VPS8: variants seen among roughly 807,000 people sequenced by gnomAD.
The protein encoded by VPS8 is vacuolar protein sorting-associated protein 8 homolog.
In VPS8, 129 loss-of-function variants were observed where a neutral mutation model predicts 216.4. The ratio of observed to expected loss-of-function variants is 0.60; its 90% CI spans 0.52 to 0.69. VPS8 has a LOEUF of 0.69. Ranked by LOEUF, VPS8 falls within the 30% of genes least tolerant of loss-of-function variation. The pLI is 0.00. For synonymous variants in VPS8, 571 were observed against 565.4 expected (o/e 1.01, Z -0.14); for missense variants, 1,531 against 1,683.5 (o/e 0.91, Z 1.59).
At chr3:184,880,811 T>C (rs1170735672) in intron 21 of VPS8, among the ~76,000 whole-genome samples, 1 of 152,184 alleles carries the variant, frequency 6.6e-6, no homozygotes, top group African/African-American at 2.4e-5. Context: ...GTTTCTAGTC[T>C]ACATCCAGCA....
chr3:184,878,402 C>A (rs528556625), intron 21 of VPS8, among the ~76,000 whole-genome samples: 15 of 152,282 alleles, frequency 9.9e-5, no homozygotes. Context: ...AGCCACTGCG[C>A]CTAACCTAAA....
chr3:184,816,786 G>T (rs975057213), intron 1 of VPS8, among the ~76,000 whole-genome samples: 1 of 152,154 alleles, frequency 6.6e-6, no homozygotes. Context: ...GACGTGAACT[G>T]CTTGGGTGTG....
chr3:184,922,218 G>A (rs908235347), intron 29 of VPS8, among the ~76,000 whole-genome samples: 1 of 152,146 alleles, frequency 6.6e-6, no homozygotes, highest in African/African-American at 2.4e-5. Flanking sequence ...CCATCTATGA[G>A]AAACTGTTTT....
At chr3:184,911,121 T>C (rs1404507369) in intron 25 of VPS8, among the ~76,000 whole-genome samples, 1 of 152,212 alleles carries the variant, frequency 6.6e-6, no homozygotes, top group Non-Finnish European at 1.5e-5. Context: ...TAATGAAAAG[T>C]TGTCTAAAAG....
intron 36 of VPS8, among the ~76,000 whole-genome samples, chr3:184,949,779 T>C (rs1258669364): frequency 1.3e-5 from 2 of 152,186 alleles, no homozygotes; most frequent in Non-Finnish European, 2.9e-5. Flanking sequence ...AAACTAAGGA[T>C]TACATTTGGC....
chr3:185,027,282 G>A (rs1405972907), intron 46 of VPS8, among the ~76,000 whole-genome samples: 2 of 128,228 alleles, frequency 1.6e-5, no homozygotes, highest in African/African-American at 3.0e-5. Flanking sequence ...TCGCTCTGTC[G>A]CCCAGGCTAG....
intron 42 of VPS8, among the ~76,000 whole-genome samples, chr3:184,988,514 T>A (rs1751446211): frequency 6.6e-6 from 1 of 152,164 alleles, no homozygotes; most frequent in Non-Finnish European, 1.5e-5. Flanking sequence ...TTTACAATGA[T>A]CTATTTTCTA....
intron 39 of VPS8, among the ~76,000 whole-genome samples, chr3:184,968,636 T>C (rs973192010): frequency 7.2e-5 from 11 of 152,222 alleles, no homozygotes; most frequent in Non-Finnish European, 1.5e-4. Flanking sequence ...TTAGTGATGA[T>C]TTTCCTGAGT....
At position 184,983,121 on chromosome 3, in the gene VPS8, T is replaced by C. The variant is rs376669229; in HGVS notation, c.3585+27T>C. On this transcript the variant is annotated intron_variant, in intron 42 of 47. Transcript: ENST00000625842. ...TGAGTTAAAAGGGGTGAATATTAAATATTGATTTCAACTAACATTTTAGTT... is the reference window on the plus strand; with the variant it reads ...TGAGTTAAAAGGGGTGAATATTAAACATTGATTTCAACTAACATTTTAGTT... 9.6e-5 allele frequency: 148 copies of C among 1,537,832 alleles called. No homozygotes were observed. In the East Asian group the frequency reaches 2.4e-3, roughly 25 times the overall value.
intron 41 of VPS8, 62 bp downstream of exon 41, chr3:184,982,709 C>T (rs893265311): frequency 5.4e-6 from 7 of 1,292,906 alleles, no homozygotes; most frequent in Middle Eastern, 1.9e-4. Flanking sequence ...TATTTGTCTG[C>T]AGAAACTATC....
At chr3:184,958,668 A>G (rs1746006045) in intron 37 of VPS8, among the ~76,000 whole-genome samples, 1 of 152,200 alleles carries the variant, frequency 6.6e-6, no homozygotes, top group Non-Finnish European at 1.5e-5. Context: ...AATTTCAGTG[A>G]TTCCAAGTCA....
intron 40 of VPS8, 182 bp from the exon 41 acceptor site, chr3:184,982,384 T>A (rs1450725015): frequency 4.9e-5 from 27 of 551,956 alleles, no homozygotes; most frequent in Non-Finnish European, 7.9e-5. Context: ...CTGCTTTGTA[T>A]TGTCTTTTTT....
intron 46 of VPS8, among the ~76,000 whole-genome samples, chr3:185,038,408 A>T (rs549689961): frequency 6.6e-6 from 1 of 152,228 alleles, no homozygotes; most frequent in Non-Finnish European, 1.5e-5. Flanking sequence ...CTTTTAAGTA[A>T]TAGTTTCTGG....
intron 31 of VPS8, among the ~76,000 whole-genome samples, chr3:184,927,033 C>T (rs1053585583): frequency 1.3e-5 from 2 of 152,132 alleles, no homozygotes; most frequent in African/African-American, 2.4e-5. Flanking sequence ...ATTGACATAC[C>T]TAATTTTTGA....
chr3:185,004,357 G>A (rs550253483), intron 45 of VPS8, among the ~76,000 whole-genome samples: 73 of 152,310 alleles, frequency 4.8e-4, no homozygotes, highest in Admixed American at 2.4e-3. Flanking sequence ...GCGCGCGCCC[G>A]CAATCGCAGG....
chr3:184,958,132 G>A (rs1162311707), intron 37 of VPS8, among the ~76,000 whole-genome samples: 1 of 152,174 alleles, frequency 6.6e-6, no homozygotes. Context: ...CGCCGGGTGG[G>A]TAACTGTGGA....
intron 36 of VPS8, among the ~76,000 whole-genome samples, chr3:184,945,630 G>A (rs1743541732): frequency 6.6e-6 from 1 of 151,964 alleles, no homozygotes; most frequent in Non-Finnish European, 1.5e-5. Flanking sequence ...TACTGCCCTG[G>A]TTTAGGCACT....
intron 1 of VPS8, chr3:184,815,817 T>TAAAAAA (rs201514658): frequency 7.8e-6 from 1 of 128,578 alleles, no homozygotes; most frequent in Non-Finnish European, 1.6e-5. Flanking sequence ...TTCCTGCTCT[T>TAAAAAA]AAAAAAAAAA....
chr3:184,852,518 C>G lies in VPS8; in HGVS notation c.772C>G (p.Leu258Val), dbSNP rs370026889. The change falls in exon 11 of 48, where the codon CTT (leucine) becomes GTT (valine). Residue 258 changes from leucine to valine, a missense_variant. By Grantham distance (32) the Leu-to-Val change is conservative (BLOSUM62 1). Transcript: ENST00000625842. ...LHIKFTDDPT[L>V]AICNDSGGSV... The stretch of plus-strand genomic sequence containing the variant: ...TGTTTAGTTTACAGATGATCCAACT[C>G]TTGCAATTTGCAACGACAGCGGAGG... 1.5e-4 allele frequency: 238 copies of G among 1,613,622 alleles called. 1 individual carries two copies. The highest frequency in any genetic ancestry group is 1.7e-4 in the Non-Finnish European group (205 of 1,179,680).
Sources: gnomAD v4.1 joint callset for allele counts (sites outside exome capture counted in the v4.1 genomes callset) on GRCh38, gnomAD v4.1.1 for gene constraint, MANE v1.5 for transcripts, NCBI Gene and HGNC (gene_info 2026-07-23, HGNC 2026-07-21) for gene names.